SYNPR: variants seen among roughly 807,000 people sequenced by gnomAD.
The protein encoded by SYNPR is synaptoporin.
A neutral mutation model predicts 32.9 loss-of-function variants in SYNPR; 23 were observed. The observed-to-expected ratio is 0.70, with a 90% confidence interval of 0.50 to 0.99. The LOEUF is 0.99. Ranked by LOEUF, SYNPR falls within the 50% of genes least tolerant of loss-of-function variation. The pLI is 0.00. For synonymous variants in SYNPR, 146 were observed against 135.9 expected (o/e 1.07, Z -0.52); for missense variants, 318 against 349.3 (o/e 0.91, Z 0.71).
intron 3 of SYNPR, among the ~76,000 whole-genome samples, chr3:63,534,067 A>G (rs1702158446): frequency 6.6e-6 from 1 of 152,204 alleles, no homozygotes; most frequent in Admixed American, 6.5e-5. Flanking sequence ...AATAGATCCA[A>G]CTTGAAGTTC....
chr3:63,391,130 C>T (rs2107084504), intron 2 of SYNPR, among the ~76,000 whole-genome samples: 1 of 152,262 alleles, frequency 6.6e-6, no homozygotes, highest in South Asian at 2.1e-4. Context: ...ATAGCTCTTC[C>T]TGGAAATCTC....
At chr3:63,446,423 G>T (rs1700277718) in intron 2 of SYNPR, among the ~76,000 whole-genome samples, 1 of 152,040 alleles carries the variant, frequency 6.6e-6, no homozygotes, top group Non-Finnish European at 1.5e-5. Context: ...TGAGAAGCGT[G>T]ACAAAGACGA....
intron 3 of SYNPR, among the ~76,000 whole-genome samples, chr3:63,481,799 C>T (rs1045391895): frequency 2.0e-5 from 3 of 152,058 alleles, no homozygotes; most frequent in Non-Finnish European, 2.9e-5. Flanking sequence ...GCCAAGCCAA[C>T]GCATGCTTTC....
chr3:63,495,720 T>C (rs1701361071), intron 3 of SYNPR, among the ~76,000 whole-genome samples: 1 of 152,156 alleles, frequency 6.6e-6, no homozygotes, highest in Non-Finnish European at 1.5e-5. Flanking sequence ...TTGGTTTTTT[T>C]CTGTTCTAAA....
intron 3 of SYNPR, among the ~76,000 whole-genome samples, chr3:63,483,573 T>A (rs1701087977): frequency 6.6e-6 from 1 of 152,166 alleles, no homozygotes; most frequent in African/African-American, 2.4e-5. Context: ...GAGTATTATT[T>A]GAATTTATTA....
chr3:63,242,510 T>G (rs961870516), intron 1 of SYNPR, among the ~76,000 whole-genome samples: 68 of 152,218 alleles, frequency 4.5e-4, no homozygotes, highest in African/African-American at 1.6e-3. Context: ...AATGAACAGG[T>G]GTGAATTAAC....
rs575097478 is a variant in SYNPR at position 63,466,422 on chromosome 3, T to G, written c.85-14410T>G. ...CCTATATTCCCTATAAATTTACTGT[T>G]GGACATAGAGGCTTGCACAAATTCA... On this transcript the variant is annotated intron_variant, in intron 2 of 5. Coordinates refer to ENST00000478300, the MANE Select transcript of SYNPR (RefSeq NM_001130003.2). Among the ~76,000 whole-genome samples the G allele has an allele frequency of 2.6e-5, 4 of 152,090 alleles. No homozygotes were observed. In the South Asian group the frequency reaches 8.3e-4, roughly 32 times the overall value.
chr3:63,334,078 C>T (rs1345115868), intron 2 of SYNPR, among the ~76,000 whole-genome samples: 1 of 152,062 alleles, frequency 6.6e-6, no homozygotes, highest in Non-Finnish European at 1.5e-5. Context: ...AGTCAAGTAC[C>T]ATAAAGTATT....
chr3:63,297,373 T>A (rs2086799900), intron 2 of SYNPR, among the ~76,000 whole-genome samples: 1 of 152,208 alleles, frequency 6.6e-6, no homozygotes, highest in African/African-American at 2.4e-5. Flanking sequence ...CATTTATAGA[T>A]CATTTTAAAC....
At chr3:63,347,978 C>T (rs558746019) in intron 2 of SYNPR, among the ~76,000 whole-genome samples, 2 of 151,816 alleles carry the variant, frequency 1.3e-5, no homozygotes, top group South Asian at 4.2e-4. Context: ...AGTTGAATCC[C>T]TATCTTTGCT....
intron 1 of SYNPR, among the ~76,000 whole-genome samples, chr3:63,241,622 A>G (rs1266266814): frequency 6.6e-6 from 1 of 152,062 alleles, no homozygotes; most frequent in Non-Finnish European, 1.5e-5. Context: ...CTTGATATAC[A>G]TTAAAGTTGT....
chr3:63,237,087 T>C (rs558074090), intron 1 of SYNPR, among the ~76,000 whole-genome samples: 8 of 152,286 alleles, frequency 5.3e-5, no homozygotes, highest in African/African-American at 1.9e-4. Context: ...TTGGGGTTTA[T>C]TATACATTTA....
intron 2 of SYNPR, among the ~76,000 whole-genome samples, chr3:63,302,093 G>A (rs547061321): frequency 3.3e-5 from 5 of 152,018 alleles, no homozygotes; most frequent in African/African-American, 9.6e-5. Flanking sequence ...TCAGCATCTC[G>A]TTTCATCATT....
chr3:63,369,844 A>T (rs2087773846), intron 2 of SYNPR, among the ~76,000 whole-genome samples: 1 of 152,136 alleles, frequency 6.6e-6, no homozygotes, highest in Non-Finnish European at 1.5e-5. Context: ...TGTTTCCTTA[A>T]CACTGTATGG....
rs760437008 is a variant in SYNPR at position 63,365,375 on chromosome 3, G to T, written c.84+86633G>T. Among the ~76,000 whole-genome samples the T allele has an allele frequency of 2.2e-4, 33 of 152,136 alleles. 1 individual carries two copies. The highest frequency in any genetic ancestry group is 3.8e-4 in the Non-Finnish European group (26 of 68,044). ...ACTGGACGTGGGGGTGGGTTGTGGT[G>T]GGGGAGAGTAGCGACAGTTCAGCAC... is the stretch of plus-strand genomic sequence containing the variant. On this transcript the variant is annotated intron_variant, in intron 2 of 5. Transcript: ENST00000478300.
At chr3:63,356,965 G>T (rs953329281) in intron 2 of SYNPR, among the ~76,000 whole-genome samples, 3 of 152,220 alleles carry the variant, frequency 2.0e-5, no homozygotes, top group East Asian at 1.9e-4. Context: ...CTAGTTATAT[G>T]AACTTGGGCG....
intron 2 of SYNPR, among the ~76,000 whole-genome samples, chr3:63,300,953 T>G (rs564324405): frequency 9.5e-4 from 145 of 152,122 alleles, no homozygotes; most frequent in South Asian, 2.3e-3. Flanking sequence ...AAATTAACCC[T>G]ATTTTCTAAA....
intron 3 of SYNPR, among the ~76,000 whole-genome samples, chr3:63,547,665 A>G (rs536823464): frequency 1.3e-5 from 2 of 152,244 alleles, no homozygotes; most frequent in Non-Finnish European, 2.9e-5. Context: ...CAGTTGCTAG[A>G]AGGCCATTAG....
intron 2 of SYNPR, among the ~76,000 whole-genome samples, chr3:63,313,449 T>A (rs1292919786): frequency 6.6e-6 from 1 of 151,452 alleles, no homozygotes; most frequent in Non-Finnish European, 1.5e-5. Context: ...CTCATATAAG[T>A]GAGAACATTC....
Sources: gnomAD v4.1 joint callset for allele counts (sites outside exome capture counted in the v4.1 genomes callset) on GRCh38, gnomAD v4.1.1 for gene constraint, MANE v1.5 for transcripts, NCBI Gene and HGNC (gene_info 2026-07-23, HGNC 2026-07-21) for gene names.